The following TPPP variants were observed in gnomAD, a reference collection of about 807,000 sequenced individuals.
TPPP encodes the protein tubulin polymerization promoting protein, also known as tubulin polymerization-promoting protein.
In TPPP, 6 loss-of-function variants were observed where a neutral mutation model predicts 15.5. The observed-to-expected ratio is 0.39, with a 90% confidence interval of 0.21 to 0.77. The LOEUF is 0.77. Ranked by LOEUF, TPPP falls within the 30% of genes least tolerant of loss-of-function variation. The probability of loss-of-function intolerance (pLI) is 0.42; values close to 1 mark genes in which losing one functional copy is unlikely to be tolerated. For missense variants in TPPP, 269 were observed against 307.2 expected (o/e 0.88, Z 0.93); for synonymous variants, 146 against 133.9 (o/e 1.09, Z -0.63).
chr5:692,151 A>T (rs1740897895), intron 1 of TPPP, among the ~76,000 whole-genome samples: 1 of 79,458 alleles, frequency 1.3e-5, no homozygotes, highest in Non-Finnish European at 2.4e-5. Flanking sequence ...CCATCAAAAC[A>T]GCAGCCCCCA....
At chr5:665,493 A>G (rs758454336) in intron 3 of TPPP, among the ~76,000 whole-genome samples, 197 bp from the exon 4 acceptor site, 1 of 152,018 alleles carries the variant, frequency 6.6e-6, no homozygotes, top group Non-Finnish European at 1.5e-5. Flanking sequence ...GCGGGGTGCC[A>G]CAACCCTAAC....
chr5:683,923 A>G (rs775707528), intron 1 of TPPP, among the ~76,000 whole-genome samples: 1 of 152,156 alleles, frequency 6.6e-6, no homozygotes, highest in Non-Finnish European at 1.5e-5. Flanking sequence ...GGCTCTTCAG[A>G]ACCTTTACGC....
chr5:700,484 T>C, the TPPP span, among the ~76,000 whole-genome samples: 2 of 151,922 alleles, frequency 1.3e-5, no homozygotes, highest in Non-Finnish European at 2.9e-5. Context: ...ACTTCTTCAG[T>C]ACAATGTTCA....
chr5:672,900 C>G (rs1213201160), intron 2 of TPPP, among the ~76,000 whole-genome samples: 1 of 152,244 alleles, frequency 6.6e-6, no homozygotes, highest in Non-Finnish European at 1.5e-5. Flanking sequence ...ATAGTAACAT[C>G]AAAACAAACA....
At chr5:669,876 T>A (rs1367141578) in intron 2 of TPPP, among the ~76,000 whole-genome samples, 1 of 152,126 alleles carries the variant, frequency 6.6e-6, no homozygotes, top group Non-Finnish European at 1.5e-5. Flanking sequence ...ACACTCAGTC[T>A]GGCTGCCCGG....
chr5:669,960 ATCC>A (rs1740149372), intron 2 of TPPP, among the ~76,000 whole-genome samples: 1 of 147,758 alleles, frequency 6.8e-6, no homozygotes, highest in East Asian at 2.0e-4. Context: ...GGAGCTCGGC[ATCC>A]TCATTGCCCA....
chr5:675,052 TG>T (rs1561086719), intron 2 of TPPP, among the ~76,000 whole-genome samples: 1 of 13,458 alleles, frequency 7.4e-5, no homozygotes, highest in Non-Finnish European at 1.4e-4. Flanking sequence ...ACAGTATGGC[TG>T]GGGGTGCAGT....
chr5:682,140 G>T (rs866729104), intron 1 of TPPP, among the ~76,000 whole-genome samples: 5 of 150,498 alleles, frequency 3.3e-5, no homozygotes, highest in Non-Finnish European at 5.9e-5. Context: ...AATTGACAGG[G>T]CTGGGGAAAC....
At chr5:693,483 C>A (rs1277690840), upstream of TPPP, 1 of 122,144 alleles carries the variant, frequency 8.2e-6, no homozygotes, top group Non-Finnish European at 1.7e-5. Context: ...TCATTGGCAG[C>A]CCCGCCCCCG....
In TPPP at chr5:666,036, G is replaced by A. The variant is rs370610823; in HGVS notation, c.399C>T (p.Ser133=). 2.8e-5 allele frequency: 45 copies of A among 1,608,916 alleles called. No homozygotes were observed. In the East Asian group the frequency reaches 6.1e-4, roughly 22 times the overall value. Residue 133 remains serine (S), a synonymous_variant, in exon 3 of 4, where the codon AGC becomes AGT. Coordinates refer to ENST00000360578, the MANE Select transcript of TPPP (RefSeq NM_007030.3). ...TGTGCACCTCGCGAACGGCCTCCTCGCTGCTCTTGTCTTTGAATCGCTTCT... is the reference window on the plus strand; with the variant it reads ...TGTGCACCTCGCGAACGGCCTCCTCACTGCTCTTGTCTTTGAATCGCTTCT... ...LAKKRFKDKS[S]EEAVREVHRL...
chr5:675,241 T>TGTGA, intron 2 of TPPP, among the ~76,000 whole-genome samples: 1 of 28,430 alleles, frequency 3.5e-5, no homozygotes, highest in South Asian at 1.5e-3. Flanking sequence ...GGGGGTGCAG[T>TGTGA]GCAGGGGGTA....
In TPPP at chr5:662,285, C is replaced by T. The variant is rs1417784127; in HGVS notation, c.*2817G>A. 2 of 152,752 alleles carry T rather than the reference C, an allele frequency of 1.3e-5. No homozygotes were observed. Among genetic ancestry groups the T allele is most frequent in the Non-Finnish European group, 2.9e-5 (2 of 68,282 alleles). The allele number at this position is 152,752 out of a possible 1,614,324, so 9.5% of individuals were successfully genotyped here. On this transcript the variant is annotated 3_prime_UTR_variant, in exon 4 of 4. Transcript: ENST00000360578. ...TGCTCCCTGCGAGGTCGGGTGGTGC[C>T]CGGGCCGGGCGGAGGCTCTTCTCGT...
intron 2 of TPPP, among the ~76,000 whole-genome samples, chr5:677,268 C>A (rs1447811859): frequency 6.6e-6 from 1 of 152,226 alleles, no homozygotes; most frequent in Non-Finnish European, 1.5e-5. Flanking sequence ...AAGCATCCAA[C>A]CTCTGAGACT....
At chr5:684,524 G>A (rs1381780849) in intron 1 of TPPP, among the ~76,000 whole-genome samples, 3 of 151,964 alleles carry the variant, frequency 2.0e-5, no homozygotes, top group East Asian at 3.9e-4. Flanking sequence ...CACTCTCACA[G>A]CGGAAGGAGT....
chr5:668,951 A>T (rs1287045501), intron 2 of TPPP, among the ~76,000 whole-genome samples: 1 of 152,182 alleles, frequency 6.6e-6, no homozygotes, highest in Admixed American at 6.5e-5. Context: ...CCCAAGGCGG[A>T]TGCTGTGTTT....
rs1187340247 is a variant in TPPP, at chr5:663,370, G to A, written c.*1732C>T. On this transcript the variant is annotated 3_prime_UTR_variant, in exon 4 of 4. Coordinates refer to ENST00000360578, the MANE Select transcript of TPPP (RefSeq NM_007030.3). The stretch of plus-strand genomic sequence containing the variant: ...AGGCCGGTGAGGTGACATCCTAAAG[G>A]AGCCACGAAGCCTGAGGTCCATTTT... 6.6e-6 allele frequency: 1 copy of A among 152,470 alleles called. No homozygotes were observed. The highest frequency in any genetic ancestry group is 1.5e-5 in the Non-Finnish European group (1 of 68,106). 9.4% of individuals were successfully genotyped at this position (152,470 alleles called of 1,614,324 possible).
rs989171515 is a variant in TPPP, at chr5:663,601, G to A, written c.*1501C>T. Reference sequence around the variant, plus strand: ...GGGGGAGTCCTTCCACGGAGCTGTGGCCGCAGCAGGTGCACTCTTGGGAGT... The same window carrying A: ...GGGGGAGTCCTTCCACGGAGCTGTGACCGCAGCAGGTGCACTCTTGGGAGT... On this transcript the variant is annotated 3_prime_UTR_variant, in exon 4 of 4. Coordinates refer to ENST00000360578, the MANE Select transcript of TPPP (RefSeq NM_007030.3). 2 of 151,538 alleles carry A rather than the reference G, an allele frequency of 1.3e-5. No individual in the cohort carries two copies. The highest frequency in any genetic ancestry group is 4.9e-5 in the African/African-American group (2 of 40,548). The allele number at this position is 151,538 out of a possible 1,614,324, so 9.4% of individuals were successfully genotyped here. A position where few individuals can be genotyped will look rare whatever the true frequency, so the allele number is the denominator to read the frequency against.
intron 1 of TPPP, among the ~76,000 whole-genome samples, chr5:681,076 G>C (rs1212467079): frequency 6.6e-6 from 1 of 152,204 alleles, no homozygotes; most frequent in East Asian, 1.9e-4. Context: ...CGGACAACGA[G>C]CCTGGGTGGG....
intron 1 of TPPP, among the ~76,000 whole-genome samples, chr5:682,986 C>G (rs2126908848): frequency 6.6e-6 from 1 of 152,182 alleles, no homozygotes; most frequent in Non-Finnish European, 1.5e-5. Context: ...TGCTCAGGCT[C>G]TGGCCTCCCT....
Sources: gnomAD v4.1 joint callset for allele counts (sites outside exome capture counted in the v4.1 genomes callset) on GRCh38, gnomAD v4.1.1 for gene constraint, MANE v1.5 for transcripts, NCBI Gene and HGNC (gene_info 2026-07-23, HGNC 2026-07-21) for gene names.